The following FGFR1 variants were observed in gnomAD, a reference collection of about 807,000 sequenced individuals.
The protein encoded by FGFR1 is fibroblast growth factor receptor 1, also known as FGFR1/PLAG1 fusion.
Under a neutral mutation model 93.7 loss-of-function variants are expected in FGFR1, and 18 were observed. The ratio of observed to expected loss-of-function variants is 0.19; its 90% CI spans 0.13 to 0.28. FGFR1 has a LOEUF of 0.28. Among genes scored for constraint, FGFR1 ranks in the 10% least tolerant of loss-of-function variants. The pLI is 1.00. For missense variants in FGFR1, 731 were observed against 1,080.4 expected (o/e 0.68, Z 4.53); for synonymous variants, 448 against 429.3 (o/e 1.04, Z -0.54).
chr8:38,459,190 T>C (rs917245897), intron 1 of FGFR1, among the ~76,000 whole-genome samples: 1 of 152,178 alleles, frequency 6.6e-6, no homozygotes, highest in Non-Finnish European at 1.5e-5. Flanking sequence ...CATCTCTATT[T>C]TCCAGGTGGC....
intron 2 of FGFR1, among the ~76,000 whole-genome samples, chr8:38,431,042 C>T (rs921333090): frequency 3.9e-5 from 6 of 152,192 alleles, no homozygotes; most frequent in African/African-American, 1.4e-4. Flanking sequence ...CACCTCTCAC[C>T]TACCACCCAC....
intron 7 of FGFR1, chr8:38,422,920 C>T (rs1819339486): frequency 3.0e-6 from 2 of 669,330 alleles, no homozygotes; most frequent in Non-Finnish European, 5.4e-6. Context: ...ACTAGAAATA[C>T]AGTAGGGTGG....
chr8:38,436,557 G>A (rs746261903), intron 2 of FGFR1, among the ~76,000 whole-genome samples: 1 of 152,058 alleles, frequency 6.6e-6, no homozygotes, highest in Non-Finnish European at 1.5e-5. Context: ...GCAGCTGGCG[G>A]GTGGACCTTG....
In FGFR1 at chr8:38,427,949, T is replaced by G; in HGVS notation, c.593A>C (p.Lys198Thr). 6.2e-7 allele frequency: 1 copy of G among 1,614,272 alleles called. No individual in the cohort carries two copies. The highest frequency in any genetic ancestry group is 8.5e-7 in the Non-Finnish European group (1 of 1,180,058). Residue 198 changes from lysine to threonine, a missense_variant, in exon 5 of 18, where the codon AAA (lysine) becomes ACA (threonine). This residue lies in a region of FGFR1 where 109 missense variants were observed against 249.4 expected (regional missense o/e 0.44). Transcript: ENST00000447712. ...GTAGCCTCCAATTCTGTGGTCAGGT[T>G]TGAATTCTTTGCCATTTTTCAACCA... ...LRWLKNGKEFKPDHRIGGYKV... is the reference protein window; with the variant it reads ...LRWLKNGKEFTPDHRIGGYKV...
At chr8:38,428,666 T>C (rs1821697931) in intron 3 of FGFR1, 2 of 563,072 alleles carry the variant, frequency 3.6e-6, no homozygotes, top group Non-Finnish European at 6.4e-6. Flanking sequence ...TCACACTGGG[T>C]GGTTCCATCA....
intron 1 of FGFR1, among the ~76,000 whole-genome samples, chr8:38,458,470 G>GATT: frequency 6.6e-6 from 1 of 152,118 alleles, no homozygotes; most frequent in Non-Finnish European, 1.5e-5. Flanking sequence ...GAACTCAGGA[G>GATT]GCGGAGGTTG....
chr8:38,428,208 T>A, intron 4 of FGFR1, 115 bp from the exon 5 acceptor site: 1 of 1,506,892 alleles, frequency 6.6e-7, no homozygotes, highest in South Asian at 1.1e-5. Flanking sequence ...CCAACACCTG[T>A]GAGCAGTGCC....
intron 2 of FGFR1, chr8:38,440,216 A>G: frequency 1.7e-6 from 2 of 1,155,404 alleles, no homozygotes; most frequent in Non-Finnish European, 2.5e-6. Context: ...ACTTAAAAGG[A>G]GCACAGAACA....
chr8:38,428,717 C>G, intron 3 of FGFR1: 1 of 470,030 alleles, frequency 2.1e-6, no homozygotes, highest in Non-Finnish European at 3.9e-6. Flanking sequence ...GTCCTACATT[C>G]AAAGGCGCTT....
chr8:38,419,760 A>G, intron 8 of FGFR1, 25 bp from the exon 9 acceptor site: 1 of 1,608,950 alleles, frequency 6.2e-7, no homozygotes, highest in Non-Finnish European at 8.5e-7. Context: ...ACAGGGTGTT[A>G]GCAGGCTTGG....
intron 2 of FGFR1, among the ~76,000 whole-genome samples, chr8:38,443,366 AT>A (rs1828175703): frequency 6.6e-6 from 1 of 152,150 alleles, no homozygotes; most frequent in South Asian, 2.1e-4. Context: ...TCAATTACAA[AT>A]TTAAAAATTG....
At chr8:38,440,436 A>C (rs967865311) in intron 2 of FGFR1, 3 of 1,386,102 alleles carry the variant, frequency 2.2e-6, no homozygotes, top group Non-Finnish European at 2.9e-6. Context: ...GGAGTCCCCA[A>C]ATAGAAGGAG....
intron 2 of FGFR1, among the ~76,000 whole-genome samples, chr8:38,452,297 G>A (rs901957228): frequency 6.6e-6 from 1 of 151,760 alleles, no homozygotes; most frequent in Non-Finnish European, 1.5e-5. Context: ...TGTGAACAGG[G>A]TTTTAGGTGG....
intron 2 of FGFR1, among the ~76,000 whole-genome samples, chr8:38,445,340 G>A (rs924071902): frequency 5.3e-5 from 8 of 152,148 alleles, no homozygotes; most frequent in African/African-American, 1.9e-4. Flanking sequence ...ATCTAAGGCT[G>A]GCAGAAAGCC....
intron 2 of FGFR1, among the ~76,000 whole-genome samples, chr8:38,450,193 G>T (rs1830592707): frequency 6.6e-6 from 1 of 152,206 alleles, no homozygotes; most frequent in African/African-American, 2.4e-5. Context: ...AGTATGGTGG[G>T]TGGGGAGAAG....
rs80029083 is a variant in FGFR1, at chr8:38,448,432, A to G, written c.91+8924T>C. Among the ~76,000 whole-genome samples the G allele has an allele frequency of 7.3e-3, 1,113 of 152,296 alleles. 16 individuals carry two copies. The highest frequency in any genetic ancestry group is 0.025 in the African/African-American group (1,054 of 41,574). ...GTAGATGGGATTATAGGTGCGTGCC[A>G]CCACACCTGGCCAATTTTTGTATTT... On this transcript the variant is annotated intron_variant, in intron 2 of 17. Transcript: ENST00000447712.
chr8:38,420,606 C>T (rs1818355643), intron 8 of FGFR1, among the ~76,000 whole-genome samples: 2 of 152,184 alleles, frequency 1.3e-5, no homozygotes, highest in South Asian at 4.2e-4. Context: ...CCCTTCAGCA[C>T]GAGAGGCTGG....
chr8:38,463,284 C>G (rs1355320854), intron 1 of FGFR1: 1 of 178,824 alleles, frequency 5.6e-6, no homozygotes, highest in Non-Finnish European at 1.2e-5. Flanking sequence ...TCATGCCATT[C>G]CTTGTTCTGC....
rs577428257 is a variant in FGFR1 at position 38,417,313 on chromosome 8, C to A, written c.1656G>T (p.Thr552=). 2 of 1,611,908 alleles carry A rather than the reference C, an allele frequency of 1.2e-6. No homozygotes were observed. The highest frequency in any genetic ancestry group is 1.7e-6 in the Non-Finnish European group (2 of 1,179,000). The part of the protein sequence containing the change: ...KNIINLLGAC[T]QDGPLYVIVE... Reference sequence around the variant, plus strand: ...AGTCTGGCCGGCACCCACCATCCTGCGTGCAGGCCCCCAGCAGGTTGATGA... The same window carrying A: ...AGTCTGGCCGGCACCCACCATCCTGAGTGCAGGCCCCCAGCAGGTTGATGA... Residue 552 remains threonine, a synonymous_variant, in exon 12 of 18, where the codon ACG becomes ACT. Transcript: ENST00000447712.
Sources: gnomAD v4.1 joint callset for allele counts (sites outside exome capture counted in the v4.1 genomes callset) on GRCh38, gnomAD v4.1.1 for gene constraint, gnomAD v4.1.1 regional missense constraint, MANE v1.5 for transcripts, NCBI Gene and HGNC (gene_info 2026-07-23, HGNC 2026-07-21) for gene names.